Variants in CASP9 observed in about 807,000 individuals in gnomAD.
CASP9 encodes caspase-9.
CASP9 carries 29 observed loss-of-function variants against 43.5 expected under a neutral mutation model. The observed-to-expected ratio is 0.67, with a 90% confidence interval of 0.50 to 0.91. CASP9 has a LOEUF of 0.91. Ranked by LOEUF, CASP9 falls within the 40% of genes least tolerant of loss-of-function variation. The probability of loss-of-function intolerance (pLI) is 0.00; values close to 1 mark genes in which losing one functional copy is unlikely to be tolerated. For synonymous variants in CASP9, 206 were observed against 211.9 expected, an observed-to-expected ratio of 0.97 and a Z score of 0.24; for missense variants, 575 against 537.4, an observed-to-expected ratio of 1.07 and a Z score of -0.69.
In CASP9 at chr1:15,507,091, C is replaced by A. The variant is rs766965270; in HGVS notation, c.454-16G>T. The A allele has an allele frequency of 3.1e-6, 5 of 1,612,640 alleles. No homozygotes were observed. The highest frequency in any genetic ancestry group is 4.2e-6 in the Non-Finnish European group (5 of 1,178,948). On this transcript the variant is annotated splice_polypyrimidine_tract_variant and intron_variant, in intron 3 of 8. Transcript: ENST00000333868. Reference sequence around the variant, plus strand: ...GGATGTAAGCCTGCCAGCACAGGGACCCACGTAAACCCGGGCTCTCCCCAC... The same window carrying A: ...GGATGTAAGCCTGCCAGCACAGGGAACCACGTAAACCCGGGCTCTCCCCAC...
chr1:15,521,106 G>T (rs1233748335), intron 1 of CASP9, among the ~76,000 whole-genome samples: 1 of 149,540 alleles, frequency 6.7e-6, no homozygotes, highest in South Asian at 2.1e-4. Context: ...GCAGTGAGCC[G>T]AGATTGCGGC....
At chr1:15,506,521 C>T (rs747576806) in intron 4 of CASP9, among the ~76,000 whole-genome samples, 4 of 152,008 alleles carry the variant, frequency 2.6e-5, no homozygotes, top group African/African-American at 4.8e-5. Flanking sequence ...AGCACTTTCT[C>T]GGTTTCCCAG....
At position 15,507,970 on chromosome 1, in the gene CASP9, C is replaced by A. The variant is rs963514329; in HGVS notation, c.419-63G>T. 3 of 1,553,866 alleles carry A rather than the reference C, an allele frequency of 1.9e-6. No homozygotes were observed. In the African/African-American group the frequency reaches 4.1e-5, roughly 21 times the overall value. On this transcript the variant is annotated intron_variant, in intron 2 of 8. Coordinates refer to ENST00000333868, the MANE Select transcript of CASP9 (RefSeq NM_001229.5). ...GTTACAGCAGAGGAGGGGCAAGGGG[C>A]TCTGTGAGGACAGCCCCCCAAGAAC...
upstream of CASP9, chr1:15,524,648 C>T (rs1426180108): frequency 1.9e-6 from 2 of 1,059,050 alleles, no homozygotes; most frequent in African/African-American, 3.6e-5. Context: ...ACGCCTCGCC[C>T]CGCCCCAAGG....
chr1:15,524,321 A>G (rs948534229), upstream of CASP9: 3 of 1,398,708 alleles, frequency 2.1e-6, no homozygotes, highest in African/African-American at 3.9e-5. Flanking sequence ...GCCCCGGGTC[A>G]GTCTTCGCTC....
intron 6 of CASP9, among the ~76,000 whole-genome samples, chr1:15,500,880 A>AG (rs4646076): frequency 0.29 from 39,364 of 136,582 alleles, 6,145 homozygotes; most frequent in African/African-American, 0.44. Flanking sequence ...AGATCAGAGC[A>AG]GGGGGTGTGG....
chr1:15,516,649 A>G lies in CASP9; in HGVS notation c.418+1461T>C, dbSNP rs556782106. Reference sequence around the variant, plus strand: ...CACCACCACACCTGGCTAAAATGACATATTTTTGAAGTATAAGTTGGTAGC... The same window carrying G: ...CACCACCACACCTGGCTAAAATGACGTATTTTTGAAGTATAAGTTGGTAGC... On this transcript the variant is annotated intron_variant, in intron 2 of 8. Coordinates refer to ENST00000333868, the MANE Select transcript of CASP9 (RefSeq NM_001229.5). 4.6e-5 allele frequency among the ~76,000 whole-genome samples: 7 copies of G among 152,156 alleles called. 1 individual carries two copies. Among genetic ancestry groups the G allele is most frequent in the Admixed American group, 1.3e-4 (2 of 15,266 alleles).
At chr1:15,520,339 T>C (rs1710136390) in intron 1 of CASP9, among the ~76,000 whole-genome samples, 1 of 152,188 alleles carries the variant, frequency 6.6e-6, no homozygotes, top group African/African-American at 2.4e-5. Flanking sequence ...CCACAAACTG[T>C]TTCAGTATAA....
intron 8 of CASP9, 152 bp downstream of exon 8, chr1:15,493,740 A>G (rs1487898912): frequency 6.6e-7 from 1 of 1,518,054 alleles, no homozygotes; most frequent in Admixed American, 2.0e-5. Context: ...AAAGAGACAC[A>G]AAAGTGCCGA....
intron 2 of CASP9, among the ~76,000 whole-genome samples, chr1:15,511,267 T>C (rs1053155440): frequency 9.2e-5 from 14 of 152,210 alleles, no homozygotes; most frequent in Admixed American, 8.5e-4. Flanking sequence ...TGTTTTGTTT[T>C]TGGAGACGGA....
At chr1:15,494,648 G>A (rs1335593037) in intron 7 of CASP9, among the ~76,000 whole-genome samples, 6 of 151,672 alleles carry the variant, frequency 4.0e-5, no homozygotes, top group Non-Finnish European at 7.4e-5. Flanking sequence ...TGGATCACGA[G>A]GTCAGGAGAT....
intron 2 of CASP9, among the ~76,000 whole-genome samples, chr1:15,513,389 G>C (rs978687406): frequency 6.6e-6 from 1 of 151,994 alleles, no homozygotes; most frequent in African/African-American, 2.4e-5. Flanking sequence ...CAGTCCTCCC[G>C]GGCAAGAGGC....
In CASP9 at chr1:15,507,005, G is replaced by A; in HGVS notation, c.524C>T (p.Ser175Phe). 6.2e-7 allele frequency: 1 copy of A among 1,614,200 alleles called. No individual in the cohort carries two copies. Among genetic ancestry groups the A allele is most frequent in the Non-Finnish European group, 8.5e-7 (1 of 1,180,016 alleles). Residue 175 changes from serine (S) to phenylalanine (F), a missense_variant, in exon 4 of 9, where the codon TCC (serine) becomes TTC (phenylalanine). By Grantham distance (155) the Ser-to-Phe change is radical (BLOSUM62 -2). Coordinates refer to ENST00000333868, the MANE Select transcript of CASP9 (RefSeq NM_001229.5). The stretch of plus-strand genomic sequence containing the variant: ...GGAGCCAGTGCGGGTGCGGAGCCCG[G>A]ACTCACGGCAGAAGTTCACATTGTT... ...IINNVNFCRE[S>F]GLRTRTGSNI...
At chr1:15,499,174 G>A (rs1557537397) in intron 6 of CASP9, among the ~76,000 whole-genome samples, 2 of 152,190 alleles carry the variant, frequency 1.3e-5, no homozygotes, top group East Asian at 1.9e-4. Context: ...CCCAGACAGA[G>A]GCTGACTGGG....
At position 15,518,158 on chromosome 1, in the gene CASP9, C is replaced by A. The variant is rs201216482; in HGVS notation, c.370G>T (p.Glu124Ter). 6.2e-6 allele frequency: 10 copies of A among 1,614,116 alleles called. No homozygotes were observed. The highest frequency in any genetic ancestry group is 6.8e-6 in the Non-Finnish European group (8 of 1,180,050). The change falls in exon 2 of 9, where the codon GAA (glutamate) becomes TAA (stop). Residue 124 changes from glutamate to a stop codon, truncating the protein, a stop_gained. Coordinates refer to ENST00000333868, the MANE Select transcript of CASP9 (RefSeq NM_001229.5). LOFTEE classifies it high-confidence loss of function. ...EIRKPEVLRP[E>*]TPRPVDIGSG... Reference sequence around the variant, plus strand: ...CCAATGTCCACTGGTCTGGGTGTTTCCGGTCTGAGAACCTCTGGTTTGCGA... The same window carrying A: ...CCAATGTCCACTGGTCTGGGTGTTTACGGTCTGAGAACCTCTGGTTTGCGA...
At chr1:15,506,705 C>T (rs4646038) in intron 4 of CASP9, among the ~76,000 whole-genome samples, 194 bp downstream of exon 4, 1 of 152,192 alleles carries the variant, frequency 6.6e-6, no homozygotes, top group Admixed American at 6.5e-5. Flanking sequence ...CAGCAGGTGG[C>T]CGAGAGAGCC....
intron 6 of CASP9, among the ~76,000 whole-genome samples, chr1:15,495,901 G>A (rs1165438553): frequency 2.0e-5 from 3 of 152,128 alleles, no homozygotes; most frequent in African/African-American, 7.2e-5. Context: ...CCTGCCCTAT[G>A]TTACCTTACG....
In CASP9 at chr1:15,524,059, G is replaced by A. The variant is rs1570884224; in HGVS notation, c.132+10C>T. The A allele has an allele frequency of 1.5e-6, 2 of 1,366,690 alleles. No individual in the cohort carries two copies. The highest frequency in any genetic ancestry group is 3.2e-5 in the East Asian group (1 of 31,180). The allele number at this position is 1,366,690 out of a possible 1,614,324, so 84.7% of individuals were successfully genotyped here. A position where few individuals can be genotyped will look rare whatever the true frequency, so the allele number is the denominator to read the frequency against. ...CCGTGCAGCGCGGGGACAGGGGGCCGGGGGCGCACCTGGATGTCCTCGATC... is the reference window on the plus strand; with the variant it reads ...CCGTGCAGCGCGGGGACAGGGGGCCAGGGGCGCACCTGGATGTCCTCGATC... On this transcript the variant is annotated intron_variant, in intron 1 of 8. Coordinates refer to ENST00000333868, the MANE Select transcript of CASP9 (RefSeq NM_001229.5).
At chr1:15,505,660 C>G (rs1709489248) in intron 5 of CASP9, among the ~76,000 whole-genome samples, 1 of 152,064 alleles carries the variant, frequency 6.6e-6, no homozygotes, top group Non-Finnish European at 1.5e-5. Context: ...CAGTGCCTCA[C>G]AGGACAGAGA....
Sources: allele counts gnomAD v4.1 joint callset (sites outside exome capture counted in the v4.1 genomes callset), GRCh38; gene constraint gnomAD v4.1.1; transcripts MANE v1.5; gene names NCBI Gene and HGNC (gene_info 2026-07-23, HGNC 2026-07-21).